AGBL1: variants seen among roughly 807,000 people sequenced by gnomAD.
The protein encoded by AGBL1 is AGBL carboxypeptidase 1.
Under a neutral mutation model 118.9 loss-of-function variants are expected in AGBL1, and 130 were observed. The ratio of observed to expected loss-of-function variants is 1.09; its 90% CI spans 0.95 to 1.26. AGBL1 has a LOEUF of 1.26. Ranked by LOEUF, AGBL1 falls within the 50% of genes most tolerant of loss-of-function variation. The probability of loss-of-function intolerance (pLI) is 0.00; values close to 1 mark genes in which losing one functional copy is unlikely to be tolerated. For missense variants in AGBL1, 1,584 were observed against 1,298.1 expected (o/e 1.22, Z -3.38); for synonymous variants, 555 against 478.9 (o/e 1.16, Z -2.08).
At chr15:86,289,977 G>A (rs1415635811) in intron 16 of AGBL1, among the ~76,000 whole-genome samples, 1 of 152,180 alleles carries the variant, frequency 6.6e-6, no homozygotes, top group Non-Finnish European at 1.5e-5. Context: ...TTGTTCTAGT[G>A]ATATTCTAGA....
chr15:86,563,449 C>T (rs982258439), intron 21 of AGBL1, among the ~76,000 whole-genome samples: 7 of 152,106 alleles, frequency 4.6e-5, no homozygotes, highest in African/African-American at 1.2e-4. Context: ...TGTAGTTGAG[C>T]GGTTTTGAGT....
At chr15:86,516,736 G>A (rs747561295) in intron 18 of AGBL1, among the ~76,000 whole-genome samples, 3 of 151,624 alleles carry the variant, frequency 2.0e-5, no homozygotes, top group Non-Finnish European at 4.4e-5. Flanking sequence ...AGGAGGCGGA[G>A]GTTGCAGTGA....
chr15:86,091,466 C>T (rs1366071179), intron 1 of AGBL1, among the ~76,000 whole-genome samples: 3 of 152,218 alleles, frequency 2.0e-5, no homozygotes, highest in South Asian at 2.1e-4. Flanking sequence ...GCAGCTGTAA[C>T]ATGTTTAGCT....
intron 22 of AGBL1, among the ~76,000 whole-genome samples, chr15:86,722,148 A>C (rs998137327): frequency 1.3e-5 from 2 of 152,186 alleles, no homozygotes; most frequent in East Asian, 3.9e-4. Flanking sequence ...CAGAATTGGA[A>C]AAAACTACTT....
At chr15:86,633,865 G>GTATATATATATAATGTATATA (rs199562622) in intron 21 of AGBL1, among the ~76,000 whole-genome samples, 22 of 102,904 alleles carry the variant, frequency 2.1e-4, no homozygotes, top group African/African-American at 8.5e-4. Context: ...TATATATAAT[G>GTATATATATATAATGTATATA]TATATATATA....
At chr15:86,599,142 T>A (rs2084453948) in intron 21 of AGBL1, among the ~76,000 whole-genome samples, 1 of 152,162 alleles carries the variant, frequency 6.6e-6, no homozygotes, top group Non-Finnish European at 1.5e-5. Context: ...TTATTTTACC[T>A]AGTTTTACTT....
At chr15:86,548,893 G>A (rs911917274) in intron 20 of AGBL1, among the ~76,000 whole-genome samples, 1 of 152,016 alleles carries the variant, frequency 6.6e-6, no homozygotes, top group East Asian at 1.9e-4. Context: ...CTTCTGGGGA[G>A]GCCTCAGAAA....
At chr15:86,798,345 G>A (rs999785762) in intron 22 of AGBL1, among the ~76,000 whole-genome samples, 2 of 152,134 alleles carry the variant, frequency 1.3e-5, no homozygotes, top group Admixed American at 1.3e-4. Flanking sequence ...CACTACAAGG[G>A]TGTTGGGATA....
chr15:86,440,484 GAAT>G (rs60498816), intron 18 of AGBL1, among the ~76,000 whole-genome samples: 61 of 144,490 alleles, frequency 4.2e-4, no homozygotes, highest in Non-Finnish European at 4.3e-4. Flanking sequence ...ATGGGATGGA[GAAT>G]AATAATAATA....
At chr15:87,003,537 G>C (rs935434342) in intron 24 of AGBL1, among the ~76,000 whole-genome samples, 1 of 152,128 alleles carries the variant, frequency 6.6e-6, no homozygotes, top group Non-Finnish European at 1.5e-5. Context: ...AATTGGAATA[G>C]TTTCAGAAGG....
At position 86,832,607 on chromosome 15, in the gene AGBL1, C is replaced by T. The variant is rs571271815; in HGVS notation, c.3159-74480C>T. ...CATAGAAAGAGTCACACTTTTGCTTCAGTTTCCAAAAAGTTCCTCATCTCC... is the reference window on the plus strand; with the variant it reads ...CATAGAAAGAGTCACACTTTTGCTTTAGTTTCCAAAAAGTTCCTCATCTCC... On this transcript the variant is annotated intron_variant, in intron 22 of 22. Coordinates refer to ENST00000614907, the MANE Select transcript of AGBL1 (RefSeq NM_001386094.1). Among the ~76,000 whole-genome samples, 8 of 152,326 alleles carry T rather than the reference C, an allele frequency of 5.3e-5. No individual in the cohort carries two copies. The South Asian group carries it at 1.4e-3, about 28-fold the overall frequency.
rs536664742 is a variant in AGBL1 at position 86,465,863 on chromosome 15, C to T, written c.2556-56947C>T. Among the ~76,000 whole-genome samples the T allele has an allele frequency of 1.5e-3, 221 of 152,288 alleles. 6 individuals carry two copies. The South Asian group carries it at 0.045, about 31-fold the overall frequency. On this transcript the variant is annotated intron_variant, in intron 18 of 22. Coordinates refer to ENST00000614907, the MANE Select transcript of AGBL1 (RefSeq NM_001386094.1). Reference sequence around the variant, plus strand: ...CCCTGGCCTTGTGATCTCACTCTGCCTCTCTGCCCTTGTGATATTTTATTG... The same window carrying T: ...CCCTGGCCTTGTGATCTCACTCTGCTTCTCTGCCCTTGTGATATTTTATTG...
At chr15:86,329,849 G>GT (rs1567201949) in intron 17 of AGBL1, among the ~76,000 whole-genome samples, 1 of 152,098 alleles carries the variant, frequency 6.6e-6, no homozygotes, top group Non-Finnish European at 1.5e-5. Context: ...CACTTTTCCT[G>GT]TGCAGAGATC....
intron 17 of AGBL1, among the ~76,000 whole-genome samples, chr15:86,313,935 A>G (rs533939342): frequency 1.2e-4 from 18 of 152,178 alleles, no homozygotes; most frequent in Non-Finnish European, 2.6e-4. Context: ...AGGCTCAAAT[A>G]ATTAGAGACA....
At chr15:86,994,078 A>G (rs1270058883) in intron 24 of AGBL1, among the ~76,000 whole-genome samples, 2 of 152,172 alleles carry the variant, frequency 1.3e-5, no homozygotes, top group African/African-American at 4.8e-5. Flanking sequence ...GTTCTGAAGA[A>G]GAACTCAACT....
intron 1 of AGBL1, among the ~76,000 whole-genome samples, chr15:86,119,927 T>A (rs970619542): frequency 2.6e-5 from 4 of 152,202 alleles, no homozygotes; most frequent in African/African-American, 9.6e-5. Context: ...GTTCTTAGCA[T>A]CAAATCTAAA....
intron 18 of AGBL1, among the ~76,000 whole-genome samples, chr15:86,522,327 C>T (rs1476005707): frequency 6.6e-6 from 1 of 152,158 alleles, no homozygotes; most frequent in East Asian, 1.9e-4. Context: ...TGGCCTAGAT[C>T]TCCAGCCATT....
chr15:87,018,518 A>G (rs59081548), intron 24 of AGBL1, among the ~76,000 whole-genome samples: 24,685 of 152,158 alleles, frequency 0.16, 2,219 homozygotes, highest in African/African-American at 0.24. Flanking sequence ...ACTAAGCTTC[A>G]TAAGAAAAGG....
At chr15:86,529,609 G>A (rs1315757431) in intron 19 of AGBL1, among the ~76,000 whole-genome samples, 5 of 125,906 alleles carry the variant, frequency 4.0e-5, no homozygotes, top group African/African-American at 8.5e-5. Context: ...TACAGAGAAC[G>A]CCACAAAGAT....
Sources: allele counts gnomAD v4.1 joint callset (sites outside exome capture counted in the v4.1 genomes callset), GRCh38; gene constraint gnomAD v4.1.1; transcripts MANE v1.5; gene names NCBI Gene and HGNC (gene_info 2026-07-23, HGNC 2026-07-21).